The following CC2D2B variants were observed in gnomAD, a reference collection of about 807,000 sequenced individuals.
The protein encoded by CC2D2B is coiled-coil and C2 domain containing 2B, also known as protein CC2D2B.
Under a neutral mutation model 161.2 loss-of-function variants are expected in CC2D2B, and 128 were observed. That is an observed-to-expected ratio of 0.79 (90% CI 0.69 to 0.92). The LOEUF (loss-of-function observed/expected upper bound fraction) is 0.92. CC2D2B is among the 40% of genes least tolerant of loss of function. The pLI, the probability that CC2D2B is intolerant of heterozygous loss-of-function variation, is 0.00. For synonymous variants in CC2D2B, 391 were observed against 449.8 expected (o/e 0.87, Z 1.65); for missense variants, 1,173 against 1,375.1 (o/e 0.85, Z 2.32).
chr10:95,910,808 T>C (rs1211592637), intron 1 of CC2D2B, among the ~76,000 whole-genome samples: 1 of 152,240 alleles, frequency 6.6e-6, no homozygotes, highest in Non-Finnish European at 1.5e-5. Flanking sequence ...CAAAGTTTTA[T>C]ACTTTTGGGG....
intron 25 of CC2D2B, among the ~76,000 whole-genome samples, chr10:96,008,590 C>G (rs2078856636): frequency 6.6e-6 from 1 of 152,102 alleles, no homozygotes; most frequent in Non-Finnish European, 1.5e-5. Flanking sequence ...TTTAGCCACT[C>G]TAATAGTTGT....
At chr10:96,008,516 C>T (rs2078853539) in intron 25 of CC2D2B, among the ~76,000 whole-genome samples, 1 of 152,062 alleles carries the variant, frequency 6.6e-6, no homozygotes, top group East Asian at 1.9e-4. Flanking sequence ...TTTATGCCCA[C>T]CAATAATGTA....
intron 25 of CC2D2B, among the ~76,000 whole-genome samples, chr10:96,007,331 T>C (rs2078796222): frequency 6.6e-6 from 1 of 152,126 alleles, no homozygotes; most frequent in South Asian, 2.1e-4. Context: ...TCCAGCTCCA[T>C]CCATGTAGGG....
chr10:95,980,903 G>T (rs1021980791), intron 17 of CC2D2B, among the ~76,000 whole-genome samples: 6 of 152,182 alleles, frequency 3.9e-5, no homozygotes, highest in African/African-American at 1.4e-4. Context: ...AATTTGGATT[G>T]TAGTCCAAAT....
Position 96,012,327 on chromosome 10 carries a change from C to T in CC2D2B, c.3188C>T (p.Pro1063Leu), listed in dbSNP as rs537426399. The T allele has an allele frequency of 1.4e-6, 1 of 705,116 alleles. No individual in the cohort carries two copies. The highest frequency in any genetic ancestry group is 2.6e-6 in the Non-Finnish European group (1 of 382,168). The allele number at this position is 705,116 out of a possible 1,614,324, so 43.7% of individuals were successfully genotyped here. Reference protein sequence around the residue: ...TFLNIFATIEPQISYVTCNPT... With the variant: ...TFLNIFATIELQISYVTCNPT... The stretch of plus-strand genomic sequence containing the variant: ...TTAAATATTTTTGCTACCATTGAAC[C>T]TCAAATATCATATGTCACCTGTAAT... Residue 1063 changes from proline (P) to leucine (L), a missense_variant, in exon 27 of 35, where the codon CCT becomes CTT. By Grantham distance (98) the Pro-to-Leu change is moderately conservative (BLOSUM62 -3). Coordinates refer to ENST00000646931, the MANE Select transcript of CC2D2B (RefSeq NM_001349008.3).
chr10:95,956,304 G>A (rs751257608), intron 11 of CC2D2B, among the ~76,000 whole-genome samples: 52 of 151,456 alleles, frequency 3.4e-4, no homozygotes, highest in Non-Finnish European at 7.1e-4. Context: ...AAGACAGCAT[G>A]AATAAGAGCC....
At chr10:95,962,772 T>TC (rs1051169625) in intron 12 of CC2D2B, among the ~76,000 whole-genome samples, 1 of 151,634 alleles carries the variant, frequency 6.6e-6, no homozygotes, top group Non-Finnish European at 1.5e-5. Context: ...AGTTTTTTTT[T>TC]TTTTTTTTTT....
chr10:95,973,855 C>T (rs960768058), intron 16 of CC2D2B, among the ~76,000 whole-genome samples, 154 bp from the exon 17 acceptor site: 2 of 125,110 alleles, frequency 1.6e-5, no homozygotes, highest in East Asian at 2.2e-4. Context: ...GAGCAAAACT[C>T]TGTCTCAAAA....
intron 17 of CC2D2B, among the ~76,000 whole-genome samples, chr10:95,980,475 G>GTTAAGAT (rs1177255671): frequency 6.6e-6 from 1 of 152,018 alleles, no homozygotes; most frequent in Non-Finnish European, 1.5e-5. Context: ...TAATCTATTC[G>GTTAAGAT]TTAAGATTTA....
At chr10:95,938,341 A>T in intron 7 of CC2D2B, 152 bp downstream of exon 7, 1 of 629,786 alleles carries the variant, frequency 1.6e-6, no homozygotes, top group Non-Finnish European at 2.8e-6. Context: ...GAATTAAGGG[A>T]ACTGATTAAG....
intron 4 of CC2D2B, 129 bp downstream of exon 4, chr10:95,924,519 C>T: frequency 1.9e-6 from 1 of 513,062 alleles, no homozygotes; most frequent in Non-Finnish European, 3.4e-6. Flanking sequence ...TAAAGTCTTC[C>T]TCTCTCTCTC....
At chr10:95,908,656 G>C (rs1311382503) in intron 1 of CC2D2B, among the ~76,000 whole-genome samples, 1 of 152,050 alleles carries the variant, frequency 6.6e-6, no homozygotes, top group Non-Finnish European at 1.5e-5. Flanking sequence ...GCTTAGATGG[G>C]GAAGTGATGT....
intron 34 of CC2D2B, 29 bp downstream of exon 34, chr10:96,027,418 C>T: frequency 1.4e-6 from 2 of 1,457,864 alleles, no homozygotes; most frequent in East Asian, 2.5e-5. Context: ...GCATTAATGA[C>T]ATTTGTTTTA....
At chr10:95,954,096 G>C (rs566731157) in intron 10 of CC2D2B, among the ~76,000 whole-genome samples, 24 of 152,192 alleles carry the variant, frequency 1.6e-4, no homozygotes, top group African/African-American at 5.5e-4. Context: ...TGCCAACAAA[G>C]AAAAATGATC....
At chr10:95,987,185 G>A (rs2077762955) in intron 19 of CC2D2B, among the ~76,000 whole-genome samples, 1 of 151,940 alleles carries the variant, frequency 6.6e-6, no homozygotes, top group Non-Finnish European at 1.5e-5. Flanking sequence ...TTAGCCAGGT[G>A]TGGCAGCACA....
chr10:96,004,067 T>A (rs1400761252), intron 24 of CC2D2B, 85 bp from the exon 25 acceptor site: 1 of 777,674 alleles, frequency 1.3e-6, no homozygotes, highest in Non-Finnish European at 2.0e-6. Context: ...ACAGGTAATT[T>A]TATAGTTCTT....
At chr10:95,991,313 T>C (rs541016151) in intron 20 of CC2D2B, 57 bp from the exon 21 acceptor site, 10 of 544,016 alleles carry the variant, frequency 1.8e-5, no homozygotes, top group African/African-American at 1.7e-4. Flanking sequence ...GCATTGTAAA[T>C]ACTTAACCTT....
intron 17 of CC2D2B, among the ~76,000 whole-genome samples, chr10:95,975,797 A>C (rs1177912664): frequency 6.6e-6 from 1 of 152,196 alleles, no homozygotes; most frequent in East Asian, 1.9e-4. Flanking sequence ...AGACCTGGAG[A>C]AGGTCATTTT....
intron 17 of CC2D2B, among the ~76,000 whole-genome samples, chr10:95,979,215 C>T (rs1178112496): frequency 6.0e-5 from 9 of 150,484 alleles, no homozygotes; most frequent in African/African-American, 2.2e-4. Flanking sequence ...ATCTACCCCT[C>T]CTTACCTAAT....
Sources: gnomAD v4.1 joint callset for allele counts (sites outside exome capture counted in the v4.1 genomes callset) on GRCh38, gnomAD v4.1.1 for gene constraint, MANE v1.5 for transcripts, NCBI Gene and HGNC (gene_info 2026-07-23, HGNC 2026-07-21) for gene names.